CHKA: variants seen among roughly 807,000 people sequenced by gnomAD.
The protein encoded by CHKA is choline kinase alpha, also known as CHETK-alpha.
A neutral mutation model predicts 60.1 loss-of-function variants in CHKA; 34 were observed. The ratio of observed to expected loss-of-function variants is 0.57; its 90% CI spans 0.43 to 0.75. The LOEUF (loss-of-function observed/expected upper bound fraction) is 0.75. Ranked by LOEUF, CHKA falls within the 30% of genes least tolerant of loss-of-function variation. The pLI is 0.00. For synonymous variants in CHKA, 217 were observed against 223.1 expected (o/e 0.97, Z 0.24); for missense variants, 563 against 561.3 (o/e 1.00, Z -0.03).
At position 68,110,801 on chromosome 11, in the gene CHKA, C is replaced by T. The variant is rs543347029; in HGVS notation, c.350+10027G>A. Among the ~76,000 whole-genome samples the T allele has an allele frequency of 2.0e-4, 31 of 152,008 alleles. No homozygotes were observed. In the South Asian group the frequency reaches 5.4e-3, roughly 27 times the overall value. On this transcript the variant is annotated intron_variant, in intron 1 of 11. Transcript: ENST00000265689. ...TCACTTATGGTCAGGAGTTCCGAGA[C>T]CAGCCTGGCAAACATGGTGAAACCC...
intron 1 of CHKA, among the ~76,000 whole-genome samples, chr11:68,104,748 T>A (rs1027156394): frequency 2.0e-5 from 3 of 152,070 alleles, no homozygotes; most frequent in Non-Finnish European, 4.4e-5. Flanking sequence ...ACATGTCAAT[T>A]ATAAACATTA....
chr11:68,112,544 G>A (rs1221592098), intron 1 of CHKA, among the ~76,000 whole-genome samples: 3 of 152,160 alleles, frequency 2.0e-5, no homozygotes, highest in Admixed American at 1.3e-4. Context: ...ACAGGCATAA[G>A]CCACTGCGCC....
chr11:68,067,416 AAC>A (rs1856480724), intron 7 of CHKA, among the ~76,000 whole-genome samples: 1 of 152,146 alleles, frequency 6.6e-6, no homozygotes, highest in Admixed American at 6.5e-5. Flanking sequence ...CAGCCTGGGC[AAC>A]ACAGAGAAAC....
intron 11 of CHKA, among the ~76,000 whole-genome samples, chr11:68,058,965 C>T (rs548265838): frequency 9.3e-4 from 141 of 152,186 alleles, no homozygotes; most frequent in Admixed American, 2.6e-3. Flanking sequence ...GGCGTGATCT[C>T]GGCTCACTGC....
chr11:68,074,711 T>A lies in CHKA; in HGVS notation c.630+6A>T. The A allele has an allele frequency of 3.1e-6, 5 of 1,613,878 alleles. No individual in the cohort carries two copies. Among genetic ancestry groups the A allele is most frequent in the Non-Finnish European group, 4.2e-6 (5 of 1,179,776 alleles). ...TGTCAACTAAGCGTTTATGAACAAA[T>A]CTTACCGGGATGAACTGCTCCAGTC... On this transcript the variant is annotated splice_donor_region_variant and intron_variant, in intron 4 of 11. Coordinates refer to ENST00000265689, the MANE Select transcript of CHKA (RefSeq NM_001277.3).
rs183779647 is a variant in CHKA, at chr11:68,104,826, C to T, written c.351-7696G>A. Among the ~76,000 whole-genome samples the T allele has an allele frequency of 1.5e-4, 23 of 152,138 alleles. No individual in the cohort carries two copies. The East Asian group carries it at 2.1e-3, about 14-fold the overall frequency. On this transcript the variant is annotated intron_variant, in intron 1 of 11. Transcript: ENST00000265689. ...GGTTATAAAATTATAAAATTCTGGC[C>T]GGGCACAGTGGCTCACGCCTGGAAT... is the stretch of plus-strand genomic sequence containing the variant.
intron 7 of CHKA, among the ~76,000 whole-genome samples, chr11:68,067,018 T>C (rs1856465687): frequency 6.6e-6 from 1 of 152,162 alleles, no homozygotes; most frequent in Non-Finnish European, 1.5e-5. Context: ...TGTTCTTGCC[T>C]GCTTTTCCTT....
At chr11:68,091,836 T>TTACC (rs560082533) in intron 2 of CHKA, among the ~76,000 whole-genome samples, 70 of 152,266 alleles carry the variant, frequency 4.6e-4, no homozygotes, top group Admixed American at 4.1e-3. Context: ...GTGTAAAATG[T>TTACC]TACCACCTCT....
At chr11:68,082,296 A>G (rs1857012916) in intron 2 of CHKA, among the ~76,000 whole-genome samples, 1 of 152,104 alleles carries the variant, frequency 6.6e-6, no homozygotes, top group Admixed American at 6.6e-5. Context: ...ACTATCTTTA[A>G]TAAGGGAATG....
At chr11:68,105,428 T>A (rs1382458149) in intron 1 of CHKA, among the ~76,000 whole-genome samples, 1 of 133,792 alleles carries the variant, frequency 7.5e-6, no homozygotes. Context: ...GGCAAGAGAA[T>A]CGCTTAAACA....
chr11:68,108,119 C>T (rs1482059047), intron 1 of CHKA, among the ~76,000 whole-genome samples: 1 of 152,166 alleles, frequency 6.6e-6, no homozygotes, highest in Non-Finnish European at 1.5e-5. Context: ...CAATATATGA[C>T]AGATAACAGA....
intron 1 of CHKA, among the ~76,000 whole-genome samples, chr11:68,106,576 C>T (rs911470898): frequency 9.9e-5 from 15 of 151,846 alleles, no homozygotes; most frequent in Non-Finnish European, 1.5e-5. Context: ...ACCAGTCCAG[C>T]CCAGGTGGAG....
At chr11:68,106,318 A>C (rs1426178219) in intron 1 of CHKA, among the ~76,000 whole-genome samples, 3 of 152,176 alleles carry the variant, frequency 2.0e-5, no homozygotes, top group Non-Finnish European at 4.4e-5. Flanking sequence ...CAGGAGGTCA[A>C]GGTGAAAGGA....
intron 11 of CHKA, among the ~76,000 whole-genome samples, chr11:68,055,575 T>G (rs969776069): frequency 2.2e-4 from 33 of 152,358 alleles, no homozygotes; most frequent in African/African-American, 7.7e-4. Flanking sequence ...TTGCTCCATG[T>G]GCTCGCCATT....
chr11:68,096,950 G>T, intron 2 of CHKA, 69 bp downstream of exon 2: 1 of 1,050,088 alleles, frequency 9.5e-7, no homozygotes, highest in Non-Finnish European at 1.4e-6. Flanking sequence ...CTCTTTCCAA[G>T]GTATCTCAGC....
intron 8 of CHKA, 31 bp from the exon 9 acceptor site, chr11:68,065,925 T>TG: frequency 6.7e-7 from 1 of 1,496,264 alleles, no homozygotes; most frequent in Non-Finnish European, 9.3e-7. Flanking sequence ...GTGCACACAA[T>TG]GAGGCAAACC....
intron 1 of CHKA, among the ~76,000 whole-genome samples, chr11:68,111,963 G>A (rs953762266): frequency 1.4e-5 from 2 of 138,414 alleles, no homozygotes; most frequent in African/African-American, 5.4e-5. Context: ...TGAGGCAGGA[G>A]AATCGCTTGA....
chr11:68,102,501 C>T (rs1172523225), intron 1 of CHKA, among the ~76,000 whole-genome samples: 1 of 152,134 alleles, frequency 6.6e-6, no homozygotes, highest in East Asian at 1.9e-4. Context: ...ATATCGCACG[C>T]ACAAGAATGA....
rs1038374527 is a variant in CHKA, at chr11:68,053,197, A to AG, written c.*790dup. 1 of 155,910 alleles carries AG rather than the reference A, an allele frequency of 6.4e-6. No homozygotes were observed. Among genetic ancestry groups the AG allele is most frequent in the Admixed American group, 6.4e-5 (1 of 15,590 alleles). 9.7% of individuals were successfully genotyped at this position (155,910 alleles called of 1,614,324 possible). On this transcript the variant is annotated 3_prime_UTR_variant, in exon 12 of 12. Transcript: ENST00000265689. ...GAGGGCAGGAGAGGCCCAAAGAGCTAGGTCAAGCAGCTGGCTCCCCTGGGA... is the reference window on the plus strand; with the variant it reads ...GAGGGCAGGAGAGGCCCAAAGAGCTAGGGTCAAGCAGCTGGCTCCCCTGGGA...
Sources: gnomAD v4.1 joint callset for allele counts (sites outside exome capture counted in the v4.1 genomes callset) on GRCh38, gnomAD v4.1.1 for gene constraint, MANE v1.5 for transcripts, NCBI Gene and HGNC (gene_info 2026-07-23, HGNC 2026-07-21) for gene names.